NXN: variants seen among roughly 807,000 people sequenced by gnomAD.
NXN encodes the protein nucleoredoxin 1.
In NXN, 16 loss-of-function variants were observed where a neutral mutation model predicts 48.6. The observed-to-expected ratio is 0.33, with a 90% CI of 0.22 to 0.50. The LOEUF is 0.50. Among genes scored for constraint, NXN ranks in the 20% least tolerant of loss-of-function variants. NXN has a pLI of 0.98. For missense variants in NXN, 492 were observed against 605.5 expected (o/e 0.81, Z 1.97); for synonymous variants, 281 against 269.6 (o/e 1.04, Z -0.41).
At chr17:967,904 G>A (rs902090826) in intron 1 of NXN, among the ~76,000 whole-genome samples, 31 of 151,932 alleles carry the variant, frequency 2.0e-4, no homozygotes, top group African/African-American at 7.0e-4. Context: ...CCCAGGAGGC[G>A]GAGCTTGCAG....
intron 1 of NXN, among the ~76,000 whole-genome samples, chr17:927,122 G>C (rs567440570): frequency 5.3e-5 from 8 of 150,896 alleles, no homozygotes; most frequent in African/African-American, 1.9e-4. Context: ...GACCATCCTG[G>C]CTATCATGGT....
intron 1 of NXN, among the ~76,000 whole-genome samples, chr17:936,689 T>A (rs2068911156): frequency 6.7e-6 from 1 of 150,374 alleles, no homozygotes; most frequent in Admixed American, 6.7e-5. Flanking sequence ...AAACGGGGCA[T>A]CAGAGCTGTC....
At chr17:929,330 C>T (rs1403292781) in intron 1 of NXN, among the ~76,000 whole-genome samples, 1 of 152,182 alleles carries the variant, frequency 6.6e-6, no homozygotes, top group Non-Finnish European at 1.5e-5. Context: ...AACACTGGTT[C>T]ACGTTATTAA....
chr17:975,064 A>AT (rs1555522463), intron 1 of NXN, among the ~76,000 whole-genome samples: 1 of 151,970 alleles, frequency 6.6e-6, no homozygotes, highest in Non-Finnish European at 1.5e-5. Context: ...GGCTCAAGTG[A>AT]TCCCCCCACC....
chr17:947,378 T>C (rs982435205), intron 1 of NXN, among the ~76,000 whole-genome samples: 6 of 152,140 alleles, frequency 3.9e-5, no homozygotes, highest in Admixed American at 1.3e-4. Context: ...TACACAGTTA[T>C]GGACAATGGG....
rs527730305 is a variant in NXN at position 978,796 on chromosome 17, G to A, written c.360+523C>T. 3.9e-5 allele frequency among the ~76,000 whole-genome samples: 6 copies of A among 152,208 alleles called. No individual in the cohort carries two copies. Among genetic ancestry groups the A allele is most frequent in the Non-Finnish European group, 7.4e-5 (5 of 67,980 alleles). On this transcript the variant is annotated intron_variant, in intron 1 of 7. Transcript: ENST00000336868. The surrounding 1 kb of genome is among the most constrained non-coding windows in gnomAD (Gnocchi z 4.1). ...AGGCAGGTTTCTCCCGGAAAGAAAG[G>A]AAACGCGCTGGTTTGGGCGCCACGG...
chr17:967,228 C>G (rs1315017407), intron 1 of NXN, among the ~76,000 whole-genome samples: 2 of 152,172 alleles, frequency 1.3e-5, no homozygotes. Context: ...GCCACAGTGA[C>G]CAGTTATGGG....
intron 1 of NXN, among the ~76,000 whole-genome samples, chr17:856,495 T>C (rs1336552257): frequency 2.0e-5 from 3 of 148,758 alleles, no homozygotes; most frequent in African/African-American, 7.4e-5. Context: ...GTCTTTTTTT[T>C]TTTTTTTTTT....
intron 1 of NXN, among the ~76,000 whole-genome samples, chr17:915,522 C>T (rs2068679954): frequency 6.6e-6 from 1 of 150,908 alleles, no homozygotes; most frequent in Non-Finnish European, 1.5e-5. Flanking sequence ...TGGGCTCAGG[C>T]AATCAACCTG....
intron 1 of NXN, among the ~76,000 whole-genome samples, chr17:839,808 A>AAAAAAAAAAAAAAAAAAAAAAAAAC (rs1352197383): frequency 1.4e-5 from 2 of 143,692 alleles, no homozygotes; most frequent in African/African-American, 5.4e-5. Context: ...AAAAAAAAAA[A>AAAAAAAAAAAAAAAAAAAAAAAAAC]AAAAAAGGCC....
At chr17:889,734 A>G (rs1383991128) in intron 1 of NXN, among the ~76,000 whole-genome samples, 1 of 74,698 alleles carries the variant, frequency 1.3e-5, no homozygotes, top group Non-Finnish European at 2.6e-5. Flanking sequence ...AAAGAAAGAA[A>G]GAAAGAAAGA....
intron 1 of NXN, among the ~76,000 whole-genome samples, chr17:833,107 G>A (rs529963835): frequency 6.6e-6 from 1 of 152,188 alleles, no homozygotes; most frequent in African/African-American, 2.4e-5. Flanking sequence ...CAGCCAGGAT[G>A]GTCTCGACCT....
chr17:839,210 G>A (rs978943431), intron 1 of NXN, among the ~76,000 whole-genome samples: 1 of 151,928 alleles, frequency 6.6e-6, no homozygotes, highest in South Asian at 2.1e-4. Flanking sequence ...CGAGGCGGGC[G>A]GATCACTTGA....
Position 812,871 on chromosome 17 carries a change from GGT to G in NXN, c.820+6566_820+6567del, listed in dbSNP as rs540738218. 4.9e-3 allele frequency among the ~76,000 whole-genome samples: 681 copies of G among 139,268 alleles called. 6 individuals are homozygous for G. Among genetic ancestry groups the G allele is most frequent in the African/African-American group, 0.016 (606 of 37,130 alleles). 91.4% of individuals were successfully genotyped at this position (139,268 alleles called of 152,430 possible). On this transcript the variant is annotated intron_variant, in intron 5 of 7. Coordinates refer to ENST00000336868, the MANE Select transcript of NXN (RefSeq NM_022463.5). ...GTGTGCATGTGTGTAGGTGTGTGTG[GGT>G]GTGTGCGCACATGTGAATGTAGGTG... is the stretch of plus-strand genomic sequence containing the variant.
intron 1 of NXN, among the ~76,000 whole-genome samples, chr17:887,291 A>C (rs17681503): frequency 0.078 from 11,834 of 152,230 alleles, 591 homozygotes; most frequent in Non-Finnish European, 0.12. Flanking sequence ...GCAAGTGGCC[A>C]CAGCGACGAA....
At position 932,287 on chromosome 17, in the gene NXN, G is replaced by A. The variant is rs953689209; in HGVS notation, c.360+47032C>T. On this transcript the variant is annotated intron_variant, in intron 1 of 7. Transcript: ENST00000336868. This position sits in a 1 kb window ranked among gnomAD's most constrained non-coding sequence, Gnocchi z 4.1. The stretch of plus-strand genomic sequence containing the variant: ...CGGCCTTGTTTTGGTCCTAGGCGGC[G>A]GTTCTTAAACTCTGGTCCCTGGACG... 3.3e-5 allele frequency among the ~76,000 whole-genome samples: 5 copies of A among 152,192 alleles called. No individual in the cohort carries two copies. The highest frequency in any genetic ancestry group is 7.2e-5 in the African/African-American group (3 of 41,444).
At chr17:913,885 T>A (rs1003398832) in intron 1 of NXN, among the ~76,000 whole-genome samples, 3 of 152,130 alleles carry the variant, frequency 2.0e-5, no homozygotes, top group Non-Finnish European at 4.4e-5. Flanking sequence ...GCGGAAGATT[T>A]TTATTTTATT....
At chr17:909,790 G>A (rs1386485279) in intron 1 of NXN, 1 of 151,366 alleles carries the variant, frequency 6.6e-6, no homozygotes, top group African/African-American at 2.4e-5. Context: ...CACCCACCTC[G>A]GCCTCCCACA....
intron 1 of NXN, among the ~76,000 whole-genome samples, chr17:841,455 CGGCGCATCTCACACGGGCG>C (rs1567827561): frequency 1.2e-3 from 126 of 101,322 alleles, no homozygotes; most frequent in Non-Finnish European, 2.2e-3. Context: ...CCCCTGACCA[CGGCGCATCTCACACGGGCG>C]AGCAGGTCCC....
Sources: gnomAD v4.1 joint callset for allele counts (sites outside exome capture counted in the v4.1 genomes callset) on GRCh38, gnomAD v4.1.1 for gene constraint, Gnocchi (gnomAD v3.1) non-coding constraint, MANE v1.5 for transcripts, NCBI Gene and HGNC (gene_info 2026-07-23, HGNC 2026-07-21) for gene names.